The following ADAM20 variants were observed in gnomAD, a reference collection of about 807,000 sequenced individuals.
The protein encoded by ADAM20 is ADAM metallopeptidase domain 20.
For synonymous variants in ADAM20, 305 were observed against 310.2 expected, an observed-to-expected ratio of 0.98 and a Z score of 0.18; for missense variants, 871 against 883.2, an observed-to-expected ratio of 0.99 and a Z score of 0.18.
the ADAM20 span, among the ~76,000 whole-genome samples, chr14:70,559,595 TAA>T: frequency 5.3e-5 from 8 of 152,238 alleles, no homozygotes; most frequent in Non-Finnish European, 1.5e-5. Flanking sequence ...TTATTCATAG[TAA>T]AAGTCTGTAC....
the ADAM20 span, among the ~76,000 whole-genome samples, chr14:70,542,604 T>C: frequency 1.3e-5 from 2 of 152,178 alleles, no homozygotes; most frequent in African/African-American, 4.8e-5. Flanking sequence ...AATGGTCTTA[T>C]CAGATTCCAA....
At chr14:70,568,181 G>A in the ADAM20 span, among the ~76,000 whole-genome samples, 6 of 152,134 alleles carry the variant, frequency 3.9e-5, no homozygotes, top group African/African-American at 1.4e-4. Flanking sequence ...AATCCCACAG[G>A]AAATAGTGTG....
chr14:70,567,575 AT>A, the ADAM20 span, among the ~76,000 whole-genome samples: 1 of 152,160 alleles, frequency 6.6e-6, no homozygotes, highest in Non-Finnish European at 1.5e-5. Context: ...CGGAGAAAGC[AT>A]TTTTTAAGCT....
At chr14:70,534,236 A>T (rs12888797) in intron 1 of ADAM20, among the ~76,000 whole-genome samples, 12 of 152,266 alleles carry the variant, frequency 7.9e-5, no homozygotes, top group Non-Finnish European at 1.6e-4. Flanking sequence ...GCTTAAAAAA[A>T]ATGTGACTTC....
chr14:70,527,334 C>T (rs1256210520), intron 1 of ADAM20, among the ~76,000 whole-genome samples: 1 of 152,160 alleles, frequency 6.6e-6, no homozygotes, highest in East Asian at 1.9e-4. Context: ...AATCCTATAG[C>T]CTTACCTACT....
chr14:70,535,382 A>ACGT (rs761421898), upstream of ADAM20, among the ~76,000 whole-genome samples: 2 of 152,228 alleles, frequency 1.3e-5, no homozygotes. Flanking sequence ...ATACATAGAT[A>ACGT]CGTCAAGGGA....
chr14:70,569,899 A>C, the ADAM20 span, among the ~76,000 whole-genome samples: 8 of 138,366 alleles, frequency 5.8e-5, no homozygotes, highest in East Asian at 7.8e-4. Flanking sequence ...AAAAAAAAAA[A>C]AAAAAAAAAA....
At chr14:70,568,633 A>G in the ADAM20 span, among the ~76,000 whole-genome samples, 116 of 152,324 alleles carry the variant, frequency 7.6e-4, 1 homozygote, top group East Asian at 0.018. Context: ...AGACACTAGA[A>G]AAATAATTCA....
At position 70,523,689 on chromosome 14, in the gene ADAM20, A is replaced by C. The variant is rs149582876; in HGVS notation, c.1069T>G (p.Cys357Gly). ...NLGMQHDTQW[C>G]VCELQWCIMH... ...ATGCACCACTGTAGCTCGCACACAC[A>C]CCACTGGGTGTCATGTTGCATACCC... Residue 357 changes from cysteine (C) to glycine (G), a missense_variant, in exon 2 of 2, where the codon TGT becomes GGT. By Grantham distance (159) the Cys-to-Gly change is radical. Transcript: ENST00000256389. 3.5e-5 allele frequency: 56 copies of C among 1,614,100 alleles called. No homozygotes were observed. In the African/African-American group the frequency reaches 7.1e-4, roughly 20 times the overall value.
Position 70,534,107 on chromosome 14 carries a change from A to C in ADAM20, c.-177+690T>G, listed in dbSNP as rs865909410. 3.3e-3 allele frequency among the ~76,000 whole-genome samples: 416 copies of C among 127,954 alleles called. 4 individuals carry two copies. The highest frequency in any genetic ancestry group is 7.1e-3 in the African/African-American group (221 of 31,018). The allele number at this position is 127,954 out of a possible 152,430, so 83.9% of individuals were successfully genotyped here. On this transcript the variant is annotated intron_variant, in intron 1 of 1. Coordinates refer to ENST00000256389, the MANE Select transcript of ADAM20 (RefSeq NM_003814.5). ...CAAAAAAAAAAAAAAAAAAAAAAAAAACACACACACACACACACGCACACA... is the reference window on the plus strand; with the variant it reads ...CAAAAAAAAAAAAAAAAAAAAAAAACACACACACACACACACACGCACACA...
At chr14:70,562,756 T>C in the ADAM20 span, among the ~76,000 whole-genome samples, 1 of 152,190 alleles carries the variant, frequency 6.6e-6, no homozygotes, top group Non-Finnish European at 1.5e-5. Context: ...TCTGCCATGA[T>C]TGTAAGTTTC....
At chr14:70,539,875 T>G (rs917370190), upstream of ADAM20, among the ~76,000 whole-genome samples, 14 of 152,190 alleles carry the variant, frequency 9.2e-5, no homozygotes, top group African/African-American at 3.4e-4. Flanking sequence ...TGCTAGTATA[T>G]TCAGTGCATT....
the ADAM20 span, among the ~76,000 whole-genome samples, chr14:70,560,808 T>G: frequency 6.6e-6 from 1 of 152,206 alleles, no homozygotes; most frequent in African/African-American, 2.4e-5. Flanking sequence ...GGCCTCCCAG[T>G]CATGCTTCTT....
At position 70,522,399 on chromosome 14, in the gene ADAM20, G is replaced by A; in HGVS notation, c.*178C>T. 1 of 654,756 alleles carries A rather than the reference G, an allele frequency of 1.5e-6. No homozygotes were observed. The highest frequency in any genetic ancestry group is 2.1e-5 in the South Asian group (1 of 47,816). 40.6% of individuals were successfully genotyped at this position (654,756 alleles called of 1,614,324 possible). On this transcript the variant is annotated 3_prime_UTR_variant, in exon 2 of 2. Transcript: ENST00000256389. ...CTTTAATATTGCTTAAGACACTGTAGAGTAAGTAAGAATAGGCTAGGAATC... is the reference window on the plus strand; with the variant it reads ...CTTTAATATTGCTTAAGACACTGTAAAGTAAGTAAGAATAGGCTAGGAATC...
chr14:70,523,731 C>A lies in ADAM20; in HGVS notation c.1027G>T (p.Glu343Ter). ...LVVFAITLGH[E>*]LGHNLGMQHD... Reference sequence around the variant, plus strand: ...TGCATACCCAAATTATGACCAAGCTCGTGGCCCAAAGTAATTGCAAAAACG... The same window carrying A: ...TGCATACCCAAATTATGACCAAGCTAGTGGCCCAAAGTAATTGCAAAAACG... The change falls in exon 2 of 2, where the codon GAG becomes TAG. Residue 343 changes from glutamate to a stop codon, truncating the protein, a stop_gained. Coordinates refer to ENST00000256389, the MANE Select transcript of ADAM20 (RefSeq NM_003814.5). LOFTEE classifies it low-confidence loss of function (END_TRUNC). 6.2e-7 allele frequency: 1 copy of A among 1,614,028 alleles called. No individual in the cohort carries two copies. Among genetic ancestry groups the A allele is most frequent in the Non-Finnish European group, 8.5e-7 (1 of 1,179,976 alleles).
the ADAM20 span, among the ~76,000 whole-genome samples, chr14:70,575,494 A>T: frequency 1.3e-5 from 2 of 152,294 alleles, no homozygotes; most frequent in South Asian, 4.1e-4. Flanking sequence ...CAACACACCC[A>T]TACCCACAAA....
At chr14:70,543,978 C>T in the ADAM20 span, among the ~76,000 whole-genome samples, 2 of 152,166 alleles carry the variant, frequency 1.3e-5, no homozygotes, top group African/African-American at 4.8e-5. Flanking sequence ...TGACCATAAA[C>T]CACAAGTGAC....
In ADAM20 at chr14:70,524,079, C is replaced by T. The variant is rs1305870082; in HGVS notation, c.679G>A (p.Ala227Thr). 1.2e-5 allele frequency: 20 copies of T among 1,613,942 alleles called. No homozygotes were observed. Among genetic ancestry groups the T allele is most frequent in the Non-Finnish European group, 1.7e-5 (20 of 1,179,954 alleles). Residue 227 changes from alanine to threonine, a missense_variant, in exon 2 of 2, where the codon GCA becomes ACA. Transcript: ENST00000256389. Reference protein sequence around the residue: ...NIRYLFSQSNATTVQHEVFNV... With the variant: ...NIRYLFSQSNTTTVQHEVFNV... ...AATACTTCATGCTGCACTGTTGTTG[C>T]ATTACTTTGAGAGAAAAGATATCTA... is the stretch of plus-strand genomic sequence containing the variant.
rs1045682688 is a variant in ADAM20 at position 70,523,337 on chromosome 14, A to G, written c.1421T>C (p.Leu474Pro). The G allele has an allele frequency of 1.6e-5, 26 of 1,614,080 alleles. No individual in the cohort carries two copies. The highest frequency in any genetic ancestry group is 1.9e-5 in the Non-Finnish European group (23 of 1,179,966). ...GGATGTCCCATTGCACCACTCTGGAAGGTCACATTCACCAACTTGTTGTCT... is the reference window on the plus strand; with the variant it reads ...GGATGTCCCATTGCACCACTCTGGAGGGTCACATTCACCAACTTGTTGTCT... ...LCRQQVGECD[L>P]PEWCNGTSHQ... The change falls in exon 2 of 2, where the codon CTT (leucine) becomes CCT (proline). Residue 474 changes from leucine to proline, a missense_variant. By Grantham distance (98) the Leu-to-Pro change is moderately conservative (BLOSUM62 -3). Transcript: ENST00000256389.
Sources: gnomAD v4.1 joint callset for allele counts (sites outside exome capture counted in the v4.1 genomes callset) on GRCh38, gnomAD v4.1.1 for gene constraint, MANE v1.5 for transcripts, NCBI Gene and HGNC (gene_info 2026-07-23, HGNC 2026-07-21) for gene names.